MACROD2: variants seen among roughly 807,000 people sequenced by gnomAD.
MACROD2 encodes ADP-ribose glycohydrolase MACROD2.
A neutral mutation model predicts 70.4 loss-of-function variants in MACROD2; 36 were observed. That is an observed-to-expected ratio of 0.51 (90% confidence interval 0.39 to 0.68). The LOEUF (loss-of-function observed/expected upper bound fraction) is 0.68, where lower values mean the gene tolerates loss of function less well. Among genes scored for constraint, MACROD2 ranks in the 30% least tolerant of loss-of-function variants. MACROD2 has a pLI of 0.00. For missense variants in MACROD2, 496 were observed against 538.4 expected (o/e 0.92, Z 0.78); for synonymous variants, 172 against 178.8 (o/e 0.96, Z 0.30).
At chr20:15,021,658 A>G (rs1296386309) in intron 5 of MACROD2, 2 of 152,038 alleles carry the variant, frequency 1.3e-5, no homozygotes, top group Non-Finnish European at 2.9e-5. Context: ...CAAAGCAAGC[A>G]CAAGAGACAA....
At chr20:14,223,085 G>A (rs2081695696) in intron 3 of MACROD2, 1 of 152,348 alleles carries the variant, frequency 6.6e-6, no homozygotes, top group Non-Finnish European at 1.5e-5. Context: ...TGGGGAGACT[G>A]AGGTAGGAAG....
chr20:14,109,947 C>T (rs528568269), intron 3 of MACROD2, among the ~76,000 whole-genome samples: 9 of 152,014 alleles, frequency 5.9e-5, no homozygotes, highest in Non-Finnish European at 2.9e-5. Flanking sequence ...AGGCCAATAT[C>T]TCTGATGAAT....
At chr20:14,788,362 A>T (rs1310364221) in intron 5 of MACROD2, among the ~76,000 whole-genome samples, 1 of 151,928 alleles carries the variant, frequency 6.6e-6, no homozygotes, top group Non-Finnish European at 1.5e-5. Context: ...AGGCGGGCGG[A>T]TTGCTTGAGT....
chr20:14,724,517 A>T (rs1285390845), intron 5 of MACROD2, among the ~76,000 whole-genome samples: 4 of 152,202 alleles, frequency 2.6e-5, no homozygotes, highest in African/African-American at 9.7e-5. Context: ...AGCAGTAGAA[A>T]CAACTCTGAT....
chr20:15,519,948 G>C (rs1275823595), intron 8 of MACROD2, among the ~76,000 whole-genome samples: 1 of 152,176 alleles, frequency 6.6e-6, no homozygotes, highest in Non-Finnish European at 1.5e-5. Context: ...GGCTTTTGTG[G>C]CAAAGTCGAG....
chr20:14,860,959 TAA>T (rs11476156), intron 5 of MACROD2, among the ~76,000 whole-genome samples: 14,457 of 149,286 alleles, frequency 0.097, 873 homozygotes, highest in Non-Finnish European at 0.14. Context: ...CTGGAGACTT[TAA>T]AAAAAAAAAA....
chr20:15,123,207 C>T (rs1346734944), intron 5 of MACROD2, among the ~76,000 whole-genome samples: 1 of 152,110 alleles, frequency 6.6e-6, no homozygotes, highest in Admixed American at 6.5e-5. Flanking sequence ...GGACAACAAG[C>T]TGCAGCTCTT....
At chr20:14,575,543 A>T (rs1198646822) in intron 4 of MACROD2, among the ~76,000 whole-genome samples, 1 of 152,234 alleles carries the variant, frequency 6.6e-6, no homozygotes, top group African/African-American at 2.4e-5. Flanking sequence ...ACCACATGTT[A>T]GAAATGATGC....
At chr20:14,862,612 TATAA>T (rs1404884063) in intron 5 of MACROD2, among the ~76,000 whole-genome samples, 1 of 26,182 alleles carries the variant, frequency 3.8e-5, no homozygotes, top group Admixed American at 7.4e-4. Context: ...TATAAATATA[TATAA>T]ATATATATAT....
At chr20:14,085,882 A>G (rs1238209594) in intron 3 of MACROD2, among the ~76,000 whole-genome samples, 154 bp downstream of exon 3, 1 of 152,008 alleles carries the variant, frequency 6.6e-6, no homozygotes, top group African/African-American at 2.4e-5. Flanking sequence ...TTGGAGATCT[A>G]TTTTTTTGTA....
intron 8 of MACROD2, among the ~76,000 whole-genome samples, chr20:15,505,007 G>T: frequency 6.6e-6 from 1 of 152,150 alleles, no homozygotes; most frequent in Non-Finnish European, 1.5e-5. Context: ...ATATCTGAAA[G>T]TTAGCCTAAG....
chr20:15,138,837 T>C (rs1358952462), intron 5 of MACROD2, among the ~76,000 whole-genome samples: 1 of 152,224 alleles, frequency 6.6e-6, no homozygotes, highest in Non-Finnish European at 1.5e-5. Flanking sequence ...ATCTTCAGTT[T>C]CTATCACACT....
At chr20:14,773,552 G>T (rs1216719910) in intron 5 of MACROD2, among the ~76,000 whole-genome samples, 1 of 152,034 alleles carries the variant, frequency 6.6e-6, no homozygotes, top group South Asian at 2.1e-4. Context: ...CAAATGGGAG[G>T]ATTTTCTTTA....
intron 8 of MACROD2, among the ~76,000 whole-genome samples, chr20:15,671,378 A>C (rs1568965199): frequency 1.3e-5 from 2 of 152,122 alleles, no homozygotes. Context: ...TGGTGGAAAG[A>C]TCTCTGACAC....
chr20:14,484,556 C>T (rs936583911), intron 3 of MACROD2, among the ~76,000 whole-genome samples: 2 of 151,916 alleles, frequency 1.3e-5, no homozygotes, highest in South Asian at 4.2e-4. Context: ...TTGTTTTTAC[C>T]CATTAACTAT....
At chr20:14,399,742 G>A (rs182086873) in intron 3 of MACROD2, among the ~76,000 whole-genome samples, 2 of 152,210 alleles carry the variant, frequency 1.3e-5, no homozygotes, top group East Asian at 1.9e-4. Flanking sequence ...GCTCACTGAT[G>A]TTCTGATCAT....
chr20:14,181,449 A>AT (rs1349288330), intron 3 of MACROD2, among the ~76,000 whole-genome samples: 4 of 151,752 alleles, frequency 2.6e-5, no homozygotes, highest in Admixed American at 1.3e-4. Context: ...AGCACTGATT[A>AT]TTTTTTTTGC....
chr20:14,378,309 T>C (rs549718679), intron 3 of MACROD2, among the ~76,000 whole-genome samples: 1 of 152,314 alleles, frequency 6.6e-6, no homozygotes, highest in South Asian at 2.1e-4. Context: ...CAAGGGGTAC[T>C]GGCTGTCATG....
intron 5 of MACROD2, among the ~76,000 whole-genome samples, chr20:15,030,795 G>C (rs1231388914): frequency 6.6e-6 from 1 of 152,180 alleles, no homozygotes; most frequent in Non-Finnish European, 1.5e-5. Context: ...ACTGGAGCTG[G>C]CTGTGAGTCC....
Sources: allele counts gnomAD v4.1 joint callset (sites outside exome capture counted in the v4.1 genomes callset), GRCh38; gene constraint gnomAD v4.1.1; transcripts MANE v1.5; gene names NCBI Gene and HGNC (gene_info 2026-07-23, HGNC 2026-07-21).